CACNA2D1: variants seen among roughly 807,000 people sequenced by gnomAD.
The protein encoded by CACNA2D1 is voltage-dependent calcium channel subunit alpha-2/delta-1.
CACNA2D1 carries 53 observed loss-of-function variants against 171.5 expected under a neutral mutation model. That is an observed-to-expected ratio of 0.31 (90% CI 0.25 to 0.39). The LOEUF (loss-of-function observed/expected upper bound fraction) is 0.39, where lower values mean the gene tolerates loss of function less well. CACNA2D1 is among the 10% of genes least tolerant of loss of function. The probability of loss-of-function intolerance (pLI) is 1.00; values close to 1 mark genes in which losing one functional copy is unlikely to be tolerated. For missense variants in CACNA2D1, 903 were observed against 1,299.8 expected (o/e 0.69, Z 4.69); for synonymous variants, 442 against 443.1 (o/e 1.00, Z 0.03).
chr7:82,081,970 G>A (rs1809835307), intron 7 of CACNA2D1, among the ~76,000 whole-genome samples: 1 of 152,226 alleles, frequency 6.6e-6, no homozygotes, highest in African/African-American at 2.4e-5. Flanking sequence ...TGACTCTCAT[G>A]GTGGACTCTG....
intron 15 of CACNA2D1, among the ~76,000 whole-genome samples, chr7:82,009,987 A>AT (rs991773830): frequency 1.3e-5 from 2 of 152,076 alleles, no homozygotes; most frequent in East Asian, 1.9e-4. Flanking sequence ...CCAAGGTATC[A>AT]TTTTTTTGAT....
chr7:82,443,218 C>G (rs1394842753), intron 1 of CACNA2D1, 147 bp downstream of exon 1: 1 of 688,910 alleles, frequency 1.5e-6, no homozygotes. Flanking sequence ...ACCGCCTGCC[C>G]GGCGTCTCCG....
At chr7:82,030,209 T>C (rs1385046879) in intron 12 of CACNA2D1, among the ~76,000 whole-genome samples, 2 of 151,736 alleles carry the variant, frequency 1.3e-5, no homozygotes, top group Non-Finnish European at 1.5e-5. Context: ...GATCCATACA[T>C]AGAAAAGAAG....
intron 38 of CACNA2D1, 71 bp downstream of exon 38, chr7:81,959,204 G>T (rs1793801669): frequency 9.1e-7 from 1 of 1,100,060 alleles, no homozygotes; most frequent in South Asian, 1.2e-5. Flanking sequence ...ATTGCAATTT[G>T]TATCCTTGAA....
chr7:82,053,481 T>A (rs897677653), intron 10 of CACNA2D1, among the ~76,000 whole-genome samples: 1 of 152,042 alleles, frequency 6.6e-6, no homozygotes, highest in African/African-American at 2.4e-5. Context: ...AACAAAAGTG[T>A]ACAGTTAACA....
intron 10 of CACNA2D1, among the ~76,000 whole-genome samples, chr7:82,057,132 T>G (rs776747368): frequency 2.6e-5 from 4 of 152,166 alleles, no homozygotes; most frequent in Non-Finnish European, 5.9e-5. Flanking sequence ...CTGCTAATAA[T>G]AATTTTTTAA....
At chr7:82,373,296 A>C (rs2129448482) in intron 1 of CACNA2D1, among the ~76,000 whole-genome samples, 1 of 152,310 alleles carries the variant, frequency 6.6e-6, no homozygotes, top group South Asian at 2.1e-4. Flanking sequence ...GAGGTTACTA[A>C]AATCAAAAAT....
At chr7:81,974,931 T>C (rs1284894025) in intron 24 of CACNA2D1, among the ~76,000 whole-genome samples, 2 of 151,864 alleles carry the variant, frequency 1.3e-5, no homozygotes, top group African/African-American at 4.8e-5. Flanking sequence ...GTTTAAAACC[T>C]AGATGACAAG....
At chr7:82,384,523 A>G (rs749865800) in intron 1 of CACNA2D1, among the ~76,000 whole-genome samples, 1 of 152,054 alleles carries the variant, frequency 6.6e-6, no homozygotes, top group African/African-American at 2.4e-5. Flanking sequence ...CACCCAGTCT[A>G]TGGTTTTTCT....
intron 1 of CACNA2D1, among the ~76,000 whole-genome samples, chr7:82,399,497 C>T (rs1168361896): frequency 6.6e-6 from 1 of 151,650 alleles, no homozygotes; most frequent in Admixed American, 6.6e-5. Context: ...CAACTATTTT[C>T]ACAAGATAGT....
chr7:82,003,231 A>G (rs1798780365), intron 18 of CACNA2D1, among the ~76,000 whole-genome samples: 1 of 152,076 alleles, frequency 6.6e-6, no homozygotes, highest in Non-Finnish European at 1.5e-5. Flanking sequence ...GTTCAGAATA[A>G]TTTCTTTTTC....
intron 2 of CACNA2D1, among the ~76,000 whole-genome samples, chr7:82,340,599 C>T (rs546258298): frequency 6.6e-6 from 1 of 152,102 alleles, no homozygotes; most frequent in South Asian, 2.1e-4. Flanking sequence ...TATAACTTTG[C>T]ATTTTCATTT....
intron 1 of CACNA2D1, among the ~76,000 whole-genome samples, chr7:82,368,384 A>T (rs1821989232): frequency 1.3e-5 from 2 of 152,238 alleles, no homozygotes; most frequent in Admixed American, 1.3e-4. Flanking sequence ...ATTACTTTTA[A>T]AAGCTCATTA....
At chr7:82,290,848 G>A (rs999386151) in intron 3 of CACNA2D1, among the ~76,000 whole-genome samples, 19 of 151,628 alleles carry the variant, frequency 1.3e-4, no homozygotes, top group African/African-American at 4.3e-4. Context: ...CACTCACCTC[G>A]GCCTCCCAAA....
chr7:82,238,726 T>C (rs2129290757), intron 3 of CACNA2D1, among the ~76,000 whole-genome samples: 1 of 152,228 alleles, frequency 6.6e-6, no homozygotes, highest in South Asian at 2.1e-4. Flanking sequence ...ACTTAGACAC[T>C]TTTGTATCGT....
rs117741134 is a variant in CACNA2D1 at position 82,274,646 on chromosome 7, A to G, written c.294+60489T>C. Among the ~76,000 whole-genome samples, 145 of 152,224 alleles carry G rather than the reference A, an allele frequency of 9.5e-4. 3 individuals carry two copies. The East Asian group carries it at 0.026, about 27-fold the overall frequency. ...TTAGATTATTCTTATTTAAGTGCAA[A>G]AAGGGGAAAGCAATGTGGGGAGCAC... On this transcript the variant is annotated intron_variant, in intron 3 of 38. Transcript: ENST00000356860.
chr7:82,317,219 T>C (rs1181869542), intron 3 of CACNA2D1, among the ~76,000 whole-genome samples: 1 of 152,208 alleles, frequency 6.6e-6, no homozygotes, highest in Non-Finnish European at 1.5e-5. Flanking sequence ...TTATTTTCTT[T>C]TTAAAATGCT....
chr7:81,956,633 G>A (rs918741822), intron 38 of CACNA2D1, among the ~76,000 whole-genome samples: 11 of 151,962 alleles, frequency 7.2e-5, no homozygotes, highest in African/African-American at 2.4e-4. Flanking sequence ...GAAGACTTGT[G>A]GTTATTTTCT....
At position 82,021,113 on chromosome 7, in the gene CACNA2D1, T is replaced by G. The variant is rs938581822; in HGVS notation, c.1144-6634A>C. On this transcript the variant is annotated intron_variant, in intron 12 of 38. Transcript: ENST00000356860. Reference sequence around the variant, plus strand: ...ATCTGAAGTTTCCTTTTTCTCTATATGCATTTAGTACTAGATAAAGGAAGA... The same window carrying G: ...ATCTGAAGTTTCCTTTTTCTCTATAGGCATTTAGTACTAGATAAAGGAAGA... 2.0e-5 allele frequency: 3 copies of G among 152,134 alleles called. No individual in the cohort carries two copies. In the East Asian group the frequency reaches 5.8e-4, roughly 29 times the overall value. The allele number at this position is 152,134 out of a possible 1,614,324, so 9.4% of individuals were successfully genotyped here.
Sources: allele counts gnomAD v4.1 joint callset (sites outside exome capture counted in the v4.1 genomes callset), GRCh38; gene constraint gnomAD v4.1.1; transcripts MANE v1.5; gene names NCBI Gene and HGNC (gene_info 2026-07-23, HGNC 2026-07-21).